The following SLC37A1 variants were observed in gnomAD, a reference collection of about 807,000 sequenced individuals.
SLC37A1 encodes the protein solute carrier family 37 member 1.
SLC37A1 carries 49 observed loss-of-function variants against 75.3 expected under a neutral mutation model. The observed-to-expected ratio is 0.65, with a 90% CI of 0.52 to 0.83. SLC37A1 has a LOEUF of 0.83. Ranked by LOEUF, SLC37A1 falls within the 40% of genes least tolerant of loss-of-function variation. SLC37A1 has a pLI of 0.00. For missense variants in SLC37A1, 566 were observed against 695.0 expected, an observed-to-expected ratio of 0.81 and a Z score of 2.09; for synonymous variants, 268 against 292.1, an observed-to-expected ratio of 0.92 and a Z score of 0.84.
At chr21:42,508,116 T>C (rs1173892693) in intron 2 of SLC37A1, among the ~76,000 whole-genome samples, 1 of 147,620 alleles carries the variant, frequency 6.8e-6, no homozygotes. Flanking sequence ...GACTGAAGAG[T>C]ACGCTCTTTT....
chr21:42,531,944 C>T (rs1320152888), intron 3 of SLC37A1, among the ~76,000 whole-genome samples: 7 of 152,114 alleles, frequency 4.6e-5, no homozygotes, highest in Non-Finnish European at 8.8e-5. Flanking sequence ...GAGAGGCGCC[C>T]GGACTCACAG....
At chr21:42,506,556 A>G (rs911307222) in intron 2 of SLC37A1, among the ~76,000 whole-genome samples, 3 of 152,226 alleles carry the variant, frequency 2.0e-5, no homozygotes, top group Admixed American at 6.5e-5. Flanking sequence ...GCATGATTCT[A>G]TACATGATAA....
Position 42,518,331 on chromosome 21 carries a change from T to C in SLC37A1, c.-124T>C, listed in dbSNP as rs1362830572. ...ACAAGACCCAGCAGGACACCTTCTT[T>C]CCACGCTTTCCAGCCTGTGGGAGCG... is the stretch of plus-strand genomic sequence containing the variant. On this transcript the variant is annotated 5_prime_UTR_variant, in exon 2 of 20. Coordinates refer to ENST00000352133, the MANE Select transcript of SLC37A1 (RefSeq NM_001320537.2). 8.0e-6 allele frequency: 10 copies of C among 1,254,078 alleles called. No homozygotes were observed. Among genetic ancestry groups the C allele is most frequent in the African/African-American group, 1.5e-5 (1 of 67,938 alleles). The allele number at this position is 1,254,078 out of a possible 1,614,324, so 77.7% of individuals were successfully genotyped here.
At chr21:42,538,724 C>A (rs1195003741) in intron 5 of SLC37A1, among the ~76,000 whole-genome samples, 1 of 152,178 alleles carries the variant, frequency 6.6e-6, no homozygotes, top group East Asian at 1.9e-4. Flanking sequence ...GCTGTGATGG[C>A]GGCTAAAGAC....
rs532998531 is a variant in SLC37A1 at position 42,543,845 on chromosome 21, C to G, written c.730+243C>G. On this transcript the variant is annotated intron_variant, in intron 8 of 19. Coordinates refer to ENST00000352133, the MANE Select transcript of SLC37A1 (RefSeq NM_001320537.2). ...TGTCCCCATTCCTTCCTCCCGTCCTCCTGTCCTCCCTTGCCCCGGCATCAG... is the reference window on the plus strand; with the variant it reads ...TGTCCCCATTCCTTCCTCCCGTCCTGCTGTCCTCCCTTGCCCCGGCATCAG... Among the ~76,000 whole-genome samples the G allele has an allele frequency of 6.6e-5, 10 of 152,358 alleles. No homozygotes were observed. In the East Asian group the frequency reaches 1.9e-3, roughly 29 times the overall value.
At chr21:42,500,492 C>T (rs2054331874) in intron 1 of SLC37A1, among the ~76,000 whole-genome samples, 1 of 152,156 alleles carries the variant, frequency 6.6e-6, no homozygotes, top group Non-Finnish European at 1.5e-5. Context: ...GTGCCTAGCA[C>T]AAAGTAAAGC....
intron 6 of SLC37A1, 62 bp from the exon 7 acceptor site, chr21:42,542,342 C>T: frequency 2.7e-6 from 4 of 1,489,050 alleles, no homozygotes; most frequent in South Asian, 2.4e-5. Flanking sequence ...TGTGCACCTC[C>T]CTGCAGCGCT....
chr21:42,570,669 T>C (rs995942492), intron 17 of SLC37A1, among the ~76,000 whole-genome samples: 8 of 152,162 alleles, frequency 5.3e-5, no homozygotes, highest in Non-Finnish European at 1.0e-4. Flanking sequence ...GCAACCCCGA[T>C]TGCTGTTTTA....
intron 15 of SLC37A1, among the ~76,000 whole-genome samples, chr21:42,566,739 C>T (rs990305997): frequency 6.6e-6 from 1 of 152,114 alleles, no homozygotes; most frequent in African/African-American, 2.4e-5. Flanking sequence ...CAGGGGTCAG[C>T]CCAGGCCCAG....
At chr21:42,533,003 C>T (rs1056756496) in intron 3 of SLC37A1, among the ~76,000 whole-genome samples, 22 of 152,228 alleles carry the variant, frequency 1.4e-4, no homozygotes, top group Admixed American at 2.6e-4. Flanking sequence ...ACGTGGCCCA[C>T]GTGCTGCCAG....
At chr21:42,509,674 T>C (rs1376459316), upstream of SLC37A1, 1 of 152,198 alleles carries the variant, frequency 6.6e-6, no homozygotes, top group Non-Finnish European at 1.5e-5. The surrounding 1 kb of genome is among the most constrained non-coding windows in gnomAD (Gnocchi z 4.2). Flanking sequence ...GGCTTTTCAT[T>C]GTATTTCTTA....
Position 42,530,654 on chromosome 21 carries a change from A to ACACACACAC in SLC37A1, c.139-4043_139-4042insACACACACC, listed in dbSNP as rs1161313598. On this transcript the variant is annotated intron_variant, in intron 3 of 19. Coordinates refer to ENST00000352133, the MANE Select transcript of SLC37A1 (RefSeq NM_001320537.2). ...CACACACACACACACACACACACAC[A>ACACACACAC]CCCCCTCTGTGTTGGCTGAAGGTGG... Among the ~76,000 whole-genome samples the ACACACACAC allele has an allele frequency of 3.9e-3, 141 of 35,876 alleles. 4 individuals carry two copies. The highest frequency in any genetic ancestry group is 0.019 in the Middle Eastern group (2 of 104). 23.5% of individuals were successfully genotyped at this position (35,876 alleles called of 152,430 possible).
chr21:42,563,412 C>A (rs2055884899), intron 12 of SLC37A1, among the ~76,000 whole-genome samples: 1 of 152,168 alleles, frequency 6.6e-6, no homozygotes, highest in African/African-American at 2.4e-5. Flanking sequence ...CTGTACAAAA[C>A]CTCATGGAGG....
chr21:42,504,157 T>C (rs2146677676), intron 2 of SLC37A1, among the ~76,000 whole-genome samples: 1 of 152,370 alleles, frequency 6.6e-6, no homozygotes, highest in East Asian at 1.9e-4. Flanking sequence ...ATGTTCAAAA[T>C]ATTGTGGCTT....
intron 10 of SLC37A1, among the ~76,000 whole-genome samples, chr21:42,554,708 C>G (rs922836469): frequency 2.6e-5 from 4 of 152,212 alleles, no homozygotes; most frequent in Non-Finnish European, 5.9e-5. Context: ...CCCTATGTCA[C>G]AGATGAGGAA....
intron 3 of SLC37A1, among the ~76,000 whole-genome samples, chr21:42,527,649 C>T (rs1327577492): frequency 1.3e-5 from 2 of 152,178 alleles, no homozygotes; most frequent in Admixed American, 6.5e-5. Context: ...GCCACACACT[C>T]GAGAATTCCC....
chr21:42,544,487 T>C (rs896652948), intron 8 of SLC37A1, among the ~76,000 whole-genome samples: 3 of 152,220 alleles, frequency 2.0e-5, no homozygotes, highest in Non-Finnish European at 4.4e-5. Flanking sequence ...CACTGTGAGT[T>C]TGGAGACTCT....
chr21:42,526,883 A>G (rs1275027434), intron 3 of SLC37A1, among the ~76,000 whole-genome samples: 2 of 152,122 alleles, frequency 1.3e-5, no homozygotes, highest in Non-Finnish European at 2.9e-5. Flanking sequence ...GGCCTTAAAC[A>G]CTCATCCGCT....
intron 11 of SLC37A1, chr21:42,561,500 G>A (rs1337207008): frequency 6.3e-6 from 1 of 157,936 alleles, no homozygotes; most frequent in African/African-American, 2.4e-5. Context: ...TTTCATCTGT[G>A]TGTTTCCAGG....
Sources: gnomAD v4.1 joint callset for allele counts (sites outside exome capture counted in the v4.1 genomes callset) on GRCh38, gnomAD v4.1.1 for gene constraint, Gnocchi (gnomAD v3.1) non-coding constraint, MANE v1.5 for transcripts, NCBI Gene and HGNC (gene_info 2026-07-23, HGNC 2026-07-21) for gene names.